Variants in UPK3A observed in about 807,000 individuals in gnomAD.
UPK3A encodes the protein uroplakin-3a.
UPK3A carries 32 observed loss-of-function variants against 27.6 expected under a neutral mutation model. The observed-to-expected ratio is 1.16, with a 90% confidence interval of 0.87 to 1.55. The LOEUF (loss-of-function observed/expected upper bound fraction) is 1.55, where lower values mean the gene tolerates loss of function less well. Ranked by LOEUF, UPK3A falls within the 40% of genes most tolerant of loss-of-function variation. The pLI, the probability that UPK3A is intolerant of heterozygous loss-of-function variation, is 0.00. For synonymous variants in UPK3A, 171 were observed against 163.9 expected, an observed-to-expected ratio of 1.04 and a Z score of -0.33; for missense variants, 370 against 367.9, an observed-to-expected ratio of 1.01 and a Z score of -0.05.
intron 4 of UPK3A, among the ~76,000 whole-genome samples, chr22:45,291,998 G>GC (rs1401802550): frequency 2.0e-5 from 3 of 152,022 alleles, no homozygotes. Context: ...GGCTGGGGTG[G>GC]CTCCTCCCAT....
intron 3 of UPK3A, among the ~76,000 whole-genome samples, chr22:45,288,075 C>A (rs534899692): frequency 1.3e-5 from 2 of 152,300 alleles, no homozygotes; most frequent in South Asian, 4.1e-4. Flanking sequence ...AGTCACCCAC[C>A]CAAACCCCTT....
At position 45,295,578 on chromosome 22, in the gene UPK3A, T is replaced by C; in HGVS notation, c.723T>C (p.Asp241=). 4 of 1,613,970 alleles carry C rather than the reference T, an allele frequency of 2.5e-6. No individual in the cohort carries two copies. Among genetic ancestry groups the C allele is most frequent in the Non-Finnish European group, 8.5e-7 (1 of 1,179,998 alleles). ...TGGACAGGGACATGGGGAGTTCTGATGGGGAAACGACTCACGACTCCCAAA... is the reference window on the plus strand; with the variant it reads ...TGGACAGGGACATGGGGAGTTCTGACGGGGAAACGACTCACGACTCCCAAA... ...ALSLVDMGSS[D]GETTHDSQIT... is the part of the protein sequence containing the mutation. Residue 241 remains aspartate (D), a synonymous_variant, in exon 6 of 6, where the codon GAT becomes GAC. Transcript: ENST00000216211.
In UPK3A at chr22:45,289,121, A is replaced by G. The variant is rs1135360; in HGVS notation, c.549A>G (p.Ser183=). The change falls in exon 4 of 6, where the codon TCA becomes TCG. Residue 183 remains serine, a synonymous_variant. Transcript: ENST00000216211. ...TGLVEDQTLW[S]DPIRTNQLTP... The stretch of plus-strand genomic sequence containing the variant: ...TGGTAGAGGACCAGACCCTGTGGTC[A>G]GACCCCATCCGCACCAACCAGCGTA... 747,072 of 1,613,364 alleles carry G rather than the reference A, an allele frequency of 0.46. 181,954 individuals carry two copies. Among genetic ancestry groups the G allele is most frequent in the African/African-American group, 0.85 (63,597 of 74,946 alleles).
At chr22:45,290,014 C>T (rs2147795615) in intron 4 of UPK3A, among the ~76,000 whole-genome samples, 1 of 152,222 alleles carries the variant, frequency 6.6e-6, no homozygotes, top group South Asian at 2.1e-4. Context: ...CACCCTATGG[C>T]CAGGTAAGAT....
intron 4 of UPK3A, among the ~76,000 whole-genome samples, chr22:45,289,574 T>C (rs2084144967): frequency 1.1e-5 from 1 of 94,212 alleles, no homozygotes; most frequent in Non-Finnish European, 2.1e-5. Context: ...TGAGACTCCG[T>C]CTCAAAAAAA....
intron 2 of UPK3A, 40 bp from the exon 3 acceptor site, chr22:45,287,132 G>A (rs374785695): frequency 2.7e-5 from 44 of 1,612,550 alleles, no homozygotes; most frequent in Admixed American, 2.2e-4. Context: ...TCGCTGAGCC[G>A]GAGTGGCCAG....
chr22:45,288,556 C>G (rs978555060), intron 3 of UPK3A, among the ~76,000 whole-genome samples: 1 of 152,120 alleles, frequency 6.6e-6, no homozygotes, highest in East Asian at 1.9e-4. Flanking sequence ...TGGTCTCGAG[C>G]CCCTGACCTC....
chr22:45,286,086 G>C lies in UPK3A; in HGVS notation c.198G>C (p.Leu66=). The part of the protein sequence containing the change: ...TGTHEVYLYV[L]VDSAISRNAS... ...CCCACGAGGTCTACCTGTATGTCCT[G>C]GTCGACTCAGGTAAGGGTCCTGCTT... Residue 66 remains leucine (L), a synonymous_variant, in exon 2 of 6, where the codon CTG becomes CTC. Transcript: ENST00000216211. 1 of 1,614,148 alleles carries C rather than the reference G, an allele frequency of 6.2e-7. No homozygotes were observed. The highest frequency in any genetic ancestry group is 8.5e-7 in the Non-Finnish European group (1 of 1,180,008).
chr22:45,291,447 A>T (rs1441045529), intron 4 of UPK3A, among the ~76,000 whole-genome samples: 2 of 132,122 alleles, frequency 1.5e-5, no homozygotes, highest in Admixed American at 7.5e-5. Context: ...GTGGTGTGAG[A>T]GTGTGGCAGG....
At chr22:45,291,887 G>C (rs868399834) in intron 4 of UPK3A, among the ~76,000 whole-genome samples, 1 of 132,624 alleles carries the variant, frequency 7.5e-6, no homozygotes, top group Admixed American at 7.5e-5. Flanking sequence ...AGTGTGGCAG[G>C]GCGTGTGAGT....
At chr22:45,286,180 C>G in intron 2 of UPK3A, 84 bp downstream of exon 2, 1 of 1,551,972 alleles carries the variant, frequency 6.4e-7, no homozygotes, top group Non-Finnish European at 8.8e-7. Context: ...GATAGAGGAA[C>G]CCTCCATGCC....
rs1293042783 is a variant in UPK3A, at chr22:45,285,885, A to G, written c.53-56A>G. On this transcript the variant is annotated intron_variant, in intron 1 of 5. Coordinates refer to ENST00000216211, the MANE Select transcript of UPK3A (RefSeq NM_006953.4). ...ACACGTGCTCAGTAACTGCAAGCAGAGTGGGTGTGGACAGTTCTGCCGGAG... is the reference window on the plus strand; with the variant it reads ...ACACGTGCTCAGTAACTGCAAGCAGGGTGGGTGTGGACAGTTCTGCCGGAG... The G allele has an allele frequency of 9.3e-6, 15 of 1,611,054 alleles. No homozygotes were observed. In the East Asian group the frequency reaches 3.1e-4, roughly 34 times the overall value.
rs571152268 is a variant in UPK3A at position 45,290,390 on chromosome 22, G to A, written c.571+1247G>A. ...CCCAGGGGCGTGGGGGGCTCTGAAA[G>A]GTTGCCTGAAGTCACACGCGAGTGG... On this transcript the variant is annotated intron_variant, in intron 4 of 5. Coordinates refer to ENST00000216211, the MANE Select transcript of UPK3A (RefSeq NM_006953.4). 6.6e-5 allele frequency among the ~76,000 whole-genome samples: 10 copies of A among 152,330 alleles called. 1 individual carries two copies. In the East Asian group the frequency reaches 1.7e-3, roughly 26 times the overall value.
chr22:45,289,607 AG>A (rs2084145962), intron 4 of UPK3A, among the ~76,000 whole-genome samples: 1 of 149,990 alleles, frequency 6.7e-6, no homozygotes, highest in African/African-American at 2.4e-5. Flanking sequence ...AAAAAAAATT[AG>A]CTGGGCGTGG....
chr22:45,290,683 C>T (rs547414932), intron 4 of UPK3A, among the ~76,000 whole-genome samples: 2 of 152,068 alleles, frequency 1.3e-5, no homozygotes, highest in African/African-American at 4.8e-5. Flanking sequence ...AGTACCAGTC[C>T]ATGGCCTGTT....
intron 4 of UPK3A, among the ~76,000 whole-genome samples, chr22:45,290,496 G>A (rs1161477720): frequency 6.6e-6 from 1 of 152,126 alleles, no homozygotes; most frequent in Admixed American, 6.6e-5. Context: ...TGTGTTGCGT[G>A]TGGCGTGTGG....
At position 45,285,965 on chromosome 22, in the gene UPK3A, C is replaced by T; in HGVS notation, c.77C>T (p.Ala26Val). 3 of 1,614,094 alleles carry T rather than the reference C, an allele frequency of 1.9e-6. No individual in the cohort carries two copies. The highest frequency in any genetic ancestry group is 1.7e-6 in the Non-Finnish European group (2 of 1,179,994). ...GSAVNLQPQL[A>V]SVTFATNNPT... ...GCTGTGAACCTGCAGCCCCAACTGGCCAGTGTGACTTTCGCCACCAACAAC... is the reference window on the plus strand; with the variant it reads ...GCTGTGAACCTGCAGCCCCAACTGGTCAGTGTGACTTTCGCCACCAACAAC... Residue 26 changes from alanine (A) to valine (V), a missense_variant, in exon 2 of 6, where the codon GCC (alanine) becomes GTC (valine). Coordinates refer to ENST00000216211, the MANE Select transcript of UPK3A (RefSeq NM_006953.4).
chr22:45,289,589 A>AAG (rs2084145390), intron 4 of UPK3A, among the ~76,000 whole-genome samples: 1 of 150,660 alleles, frequency 6.6e-6, no homozygotes, highest in African/African-American at 2.5e-5. Context: ...AAAAAAAAAA[A>AAG]AAAAGAAAAA....
In UPK3A at chr22:45,288,404, C is replaced by A. The variant is rs565243373; in HGVS notation, c.489-657C>A. Among the ~76,000 whole-genome samples the A allele has an allele frequency of 3.2e-3, 481 of 152,282 alleles. 5 individuals are homozygous for A. The highest frequency in any genetic ancestry group is 0.011 in the African/African-American group (461 of 41,566). On this transcript the variant is annotated intron_variant, in intron 3 of 5. Transcript: ENST00000216211. The stretch of plus-strand genomic sequence containing the variant: ...TAGTAGAGACGGGGTTTCACTGTGT[C>A]AGCCAGAATGGTCTCGATCTCCTGA...
Sources: gnomAD v4.1 joint callset for allele counts (sites outside exome capture counted in the v4.1 genomes callset) on GRCh38, gnomAD v4.1.1 for gene constraint, MANE v1.5 for transcripts, NCBI Gene and HGNC (gene_info 2026-07-23, HGNC 2026-07-21) for gene names.